MITF: variants seen among roughly 807,000 people sequenced by gnomAD.
MITF encodes microphthalmia-associated transcription factor.
In MITF, 17 loss-of-function variants were observed where a neutral mutation model predicts 60.5. The observed-to-expected ratio is 0.28, with a 90% confidence interval of 0.19 to 0.42. The LOEUF (loss-of-function observed/expected upper bound fraction) is 0.42, where lower values mean the gene tolerates loss of function less well. Among genes scored for constraint, MITF ranks in the 10% least tolerant of loss-of-function variants. MITF has a pLI of 1.00. For missense variants in MITF, 622 were observed against 683.5 expected (o/e 0.91, Z 1.00); for synonymous variants, 260 against 248.5 (o/e 1.05, Z -0.43).
intron 1 of MITF, among the ~76,000 whole-genome samples, chr3:69,747,223 T>C (rs1032835204): frequency 8.5e-5 from 13 of 152,196 alleles, no homozygotes; most frequent in Admixed American, 6.5e-5. Context: ...CAGTTAACAA[T>C]GAACCAAATA....
intron 1 of MITF, among the ~76,000 whole-genome samples, chr3:69,753,769 A>T (rs918602680): frequency 1.3e-5 from 2 of 152,228 alleles, no homozygotes; most frequent in East Asian, 1.9e-4. Context: ...TCTTTTGGCC[A>T]ATTTCTTCCT....
chr3:69,820,912 CGTGT>C (rs5849923), intron 1 of MITF, among the ~76,000 whole-genome samples: 10 of 150,950 alleles, frequency 6.6e-5, no homozygotes, highest in African/African-American at 2.2e-4. Context: ...AGCATTTACT[CGTGT>C]GTGTGTGTGT....
At chr3:69,939,446 T>C (rs1241053574) in intron 4 of MITF, among the ~76,000 whole-genome samples, 2 of 152,112 alleles carry the variant, frequency 1.3e-5, no homozygotes, top group Non-Finnish European at 2.9e-5. Flanking sequence ...TAATAAGATA[T>C]GAAATATGTA....
chr3:69,931,662 AAGT>A (rs74929958), intron 2 of MITF, among the ~76,000 whole-genome samples: 2,301 of 152,324 alleles, frequency 0.015, 24 homozygotes, highest in Middle Eastern at 0.051. Flanking sequence ...ATAAGACAGG[AAGT>A]AGTATGAAAG....
At chr3:69,814,508 T>C (rs899333463) in intron 1 of MITF, among the ~76,000 whole-genome samples, 6 of 152,104 alleles carry the variant, frequency 3.9e-5, no homozygotes, top group African/African-American at 1.2e-4. Context: ...TTTTAATGTT[T>C]TGTAGAAACG....
intron 7 of MITF, among the ~76,000 whole-genome samples, chr3:69,952,352 CTT>C (rs1023093458): frequency 2.3e-4 from 35 of 151,934 alleles, no homozygotes; most frequent in Middle Eastern, 3.4e-3. Context: ...TGATTCGTGA[CTT>C]AAAAAAAATA....
intron 1 of MITF, among the ~76,000 whole-genome samples, chr3:69,860,061 C>T (rs2063985680): frequency 6.6e-6 from 1 of 152,082 alleles, no homozygotes; most frequent in Non-Finnish European, 1.5e-5. Flanking sequence ...GTGTTCTCTC[C>T]AACTTTGTGT....
intron 2 of MITF, among the ~76,000 whole-genome samples, chr3:69,926,214 G>A (rs2065582894): frequency 6.6e-6 from 1 of 152,126 alleles, no homozygotes; most frequent in Non-Finnish European, 1.5e-5. Flanking sequence ...TAATCTATAA[G>A]GCAAGTTTTA....
At position 69,818,744 on chromosome 3, in the gene MITF, G is replaced by A. The variant is rs1011172171; in HGVS notation, c.105-60390G>A. On this transcript the variant is annotated intron_variant, in intron 1 of 9. Coordinates refer to ENST00000352241, the MANE Select transcript of MITF (RefSeq NM_001354604.2). ...TTTAATGGAAAATACTGGATTTAAAGAAAACTTTTATGAATATTTTAATGA... is the reference window on the plus strand; with the variant it reads ...TTTAATGGAAAATACTGGATTTAAAAAAAACTTTTATGAATATTTTAATGA... Among the ~76,000 whole-genome samples, 3 of 152,020 alleles carry A rather than the reference G, an allele frequency of 2.0e-5. No homozygotes were observed. The East Asian group carries it at 5.8e-4, about 29-fold the overall frequency.
intron 1 of MITF, among the ~76,000 whole-genome samples, chr3:69,874,942 A>C (rs184120207): frequency 6.6e-4 from 101 of 152,310 alleles, no homozygotes; most frequent in South Asian, 1.7e-3. Context: ...GAGGCTTTGA[A>C]GGTTAAGAAT....
At chr3:69,804,435 C>G (rs1365324106) in intron 1 of MITF, among the ~76,000 whole-genome samples, 2 of 152,006 alleles carry the variant, frequency 1.3e-5, no homozygotes, top group East Asian at 3.9e-4. Context: ...CTCTTTTATT[C>G]TGGCGTTTCC....
At chr3:69,742,497 A>G (rs1379796424) in intron 1 of MITF, among the ~76,000 whole-genome samples, 1 of 152,100 alleles carries the variant, frequency 6.6e-6, no homozygotes, top group Non-Finnish European at 1.5e-5. Context: ...CTCTGACCTT[A>G]TCTCTTGTTG....
intron 1 of MITF, among the ~76,000 whole-genome samples, chr3:69,758,103 T>TAA (rs1365761420): frequency 7.0e-6 from 1 of 142,928 alleles, no homozygotes; most frequent in African/African-American, 2.6e-5. Flanking sequence ...TATATATATA[T>TAA]AAATATATCA....
At chr3:69,775,303 G>T (rs2062456333) in intron 1 of MITF, among the ~76,000 whole-genome samples, 1 of 152,158 alleles carries the variant, frequency 6.6e-6, no homozygotes, top group Non-Finnish European at 1.5e-5. Flanking sequence ...GACTCCATAA[G>T]TGAAAGGGTA....
At chr3:69,951,907 T>C (rs1297316498) in intron 7 of MITF, 21 bp downstream of exon 7, 2 of 1,563,734 alleles carry the variant, frequency 1.3e-6, no homozygotes, top group Non-Finnish European at 1.8e-6. Flanking sequence ...TTTATTTATG[T>C]TCATGACATT....
At position 69,825,357 on chromosome 3, in the gene MITF, A is replaced by G. The variant is rs116246310; in HGVS notation, c.105-53777A>G. Among the ~76,000 whole-genome samples the G allele has an allele frequency of 6.7e-3, 1,016 of 152,280 alleles. 7 individuals carry two copies. Among genetic ancestry groups the G allele is most frequent in the African/African-American group, 0.023 (957 of 41,568 alleles). ...TAGGAAAATCTGGAAGTTTGCCATT[A>G]TCTGTAATGGAGGAAGAGAATAGTG... is the stretch of plus-strand genomic sequence containing the variant. On this transcript the variant is annotated intron_variant, in intron 1 of 9. Transcript: ENST00000352241.
intron 8 of MITF, among the ~76,000 whole-genome samples, chr3:69,957,645 A>G (rs1210167365): frequency 3.3e-5 from 5 of 151,988 alleles, no homozygotes; most frequent in African/African-American, 1.2e-4. Context: ...TTGAATTCCC[A>G]TTTTCCTCTT....
rs1184933986 is a variant in MITF, at chr3:69,938,014, G to T, written c.547G>T (p.Ala183Ser). Residue 183 changes from alanine (A) to serine (S), a missense_variant, in exon 3 of 10, where the codon GCT becomes TCT. Ala to Ser is a moderately conservative substitution (Grantham distance 99). Transcript: ENST00000352241. ...PGSSAPNSPMAMLTLNSNCEK... is the reference protein window; with the variant it reads ...PGSSAPNSPMSMLTLNSNCEK... ...GAGCAGCGCACCCAACAGCCCCATG[G>T]CTATGCTTACGCTTAACTCCAACTG... 1 of 1,614,168 alleles carries T rather than the reference G, an allele frequency of 6.2e-7. No homozygotes were observed. The highest frequency in any genetic ancestry group is 8.5e-7 in the Non-Finnish European group (1 of 1,180,002).
chr3:69,912,299 T>G (rs2065241157), intron 2 of MITF, among the ~76,000 whole-genome samples: 1 of 152,196 alleles, frequency 6.6e-6, no homozygotes, highest in Non-Finnish European at 1.5e-5. Flanking sequence ...TTATGGGGCT[T>G]ATTGTTGTCT....
Sources: allele counts gnomAD v4.1 joint callset (sites outside exome capture counted in the v4.1 genomes callset), GRCh38; gene constraint gnomAD v4.1.1; transcripts MANE v1.5; gene names NCBI Gene and HGNC (gene_info 2026-07-23, HGNC 2026-07-21).